SIN3B: variants seen among roughly 807,000 people sequenced by gnomAD.
The protein encoded by SIN3B is paired amphipathic helix protein Sin3b.
SIN3B carries 19 observed loss-of-function variants against 120.2 expected under a neutral mutation model. The ratio of observed to expected loss-of-function variants is 0.16; its 90% confidence interval spans 0.11 to 0.23. SIN3B has a LOEUF of 0.23. Ranked by LOEUF, SIN3B falls within the 10% of genes least tolerant of loss-of-function variation. The pLI, the probability that SIN3B is intolerant of heterozygous loss-of-function variation, is 1.00. For missense variants in SIN3B, 1,073 were observed against 1,573.0 expected, an observed-to-expected ratio of 0.68 and a Z score of 5.38; for synonymous variants, 654 against 653.2, an observed-to-expected ratio of 1.00 and a Z score of -0.02.
intron 13 of SIN3B, 29 bp downstream of exon 13, chr19:16,870,104 C>T (rs2144621743): frequency 6.5e-7 from 1 of 1,534,890 alleles, no homozygotes; most frequent in South Asian, 1.2e-5. Flanking sequence ...CCGGGAGGCC[C>T]CGGGGGGTGC....
intron 17 of SIN3B, 44 bp downstream of exon 17, chr19:16,877,683 C>T: frequency 7.3e-7 from 1 of 1,368,944 alleles, no homozygotes; most frequent in Non-Finnish European, 1.0e-6. Flanking sequence ...CCTTCCTGGG[C>T]CCAGGGAGTG....
chr19:16,863,097 CA>C (rs746037096), intron 9 of SIN3B: 2 of 768,658 alleles, frequency 2.6e-6, no homozygotes, highest in Non-Finnish European at 4.4e-6. Flanking sequence ...TTTCTCACCA[CA>C]AAGGCAGAGT....
Position 16,862,571 on chromosome 19 carries a change from T to C in SIN3B, c.1266+12T>C. The stretch of plus-strand genomic sequence containing the variant: ...CCATCTGCAAGGAGGTAGCGCTCCC[T>C]GGGGCTCAAATGTTCGTTGACATGG... On this transcript the variant is annotated intron_variant, in intron 9 of 18. Transcript: ENST00000248054. This position sits in a 1 kb window ranked among gnomAD's most constrained non-coding sequence, Gnocchi z 4.7. 4 of 1,609,036 alleles carry C rather than the reference T, an allele frequency of 2.5e-6. No individual in the cohort carries two copies. Among genetic ancestry groups the C allele is most frequent in the Non-Finnish European group, 3.4e-6 (4 of 1,178,286 alleles).
At chr19:16,868,228 C>A (rs895657631) in intron 12 of SIN3B, among the ~76,000 whole-genome samples, 1 of 152,106 alleles carries the variant, frequency 6.6e-6, no homozygotes, top group Non-Finnish European at 1.5e-5. Flanking sequence ...ACTGAAGAGC[C>A]CAGAGCAGGG....
intron 12 of SIN3B, among the ~76,000 whole-genome samples, chr19:16,868,497 AG>A (rs1971809739): frequency 6.6e-6 from 1 of 152,126 alleles, no homozygotes; most frequent in South Asian, 2.1e-4. Flanking sequence ...GGCTGGAGGA[AG>A]GGGTGATTGT....
chr19:16,865,310 C>G lies in SIN3B; in HGVS notation c.1384-100C>G, dbSNP rs904418685. ...CCCTATCTCTTAAATACACACACCC[C>G]CCCCCCAAAAAAATCCTCTGGTCTC... On this transcript the variant is annotated intron_variant, in intron 10 of 18. Transcript: ENST00000248054. The G allele has an allele frequency of 1.5e-5, 8 of 548,140 alleles. 1 individual carries two copies. Among genetic ancestry groups the G allele is most frequent in the African/African-American group, 6.1e-5 (3 of 49,128 alleles). The allele number at this position is 548,140 out of a possible 1,614,324, so 34.0% of individuals were successfully genotyped here. A position where few individuals can be genotyped will look rare whatever the true frequency, so the allele number is the denominator to read the frequency against.
chr19:16,832,191 CTTTTTTTTTTTTTT>C (rs10528185), intron 3 of SIN3B, among the ~76,000 whole-genome samples: 10 of 125,444 alleles, frequency 8.0e-5, no homozygotes, highest in South Asian at 5.2e-4. Context: ...TGCTGGCCCT[CTTTTTTTTTTTTTT>C]TTTTTTTTTG....
At chr19:16,831,756 T>C (rs1197925495) in intron 3 of SIN3B, 109 bp downstream of exon 3, 10 of 943,236 alleles carry the variant, frequency 1.1e-5, no homozygotes, top group Admixed American at 8.7e-5. Context: ...CCACTTAAGA[T>C]CTGTTCTTTT....
intron 5 of SIN3B, among the ~76,000 whole-genome samples, chr19:16,849,493 A>G: frequency 6.6e-6 from 1 of 152,244 alleles, no homozygotes; most frequent in East Asian, 1.9e-4. Context: ...TTACAAAAGG[A>G]ATGGGTGTGG....
At chr19:16,867,827 C>T (rs1247910863) in intron 12 of SIN3B, among the ~76,000 whole-genome samples, 1 of 152,208 alleles carries the variant, frequency 6.6e-6, no homozygotes, top group Non-Finnish European at 1.5e-5. Context: ...CAGGCCCACC[C>T]ACAACCACTC....
chr19:16,878,760 C>T lies in SIN3B; in HGVS notation c.*33C>T, dbSNP rs943119879. Reference sequence around the variant, plus strand: ...TCATGGGCACCGGGCAGGCGCCTCACAGAGCACAGACGTGCCCTCGGCCTT... The same window carrying T: ...TCATGGGCACCGGGCAGGCGCCTCATAGAGCACAGACGTGCCCTCGGCCTT... On this transcript the variant is annotated 3_prime_UTR_variant, in exon 19 of 19. Transcript: ENST00000248054. The T allele has an allele frequency of 1.5e-5, 23 of 1,547,114 alleles. No homozygotes were observed. Among genetic ancestry groups the T allele is most frequent in the Middle Eastern group, 4.4e-4 (2 of 4,512 alleles).
At chr19:16,835,495 C>CTTT (rs35239779) in intron 3 of SIN3B, among the ~76,000 whole-genome samples, 114 of 136,346 alleles carry the variant, frequency 8.4e-4, no homozygotes, top group African/African-American at 3.0e-3. Flanking sequence ...TCCCAAAGTT[C>CTTT]TTTTTTTTTT....
chr19:16,869,353 C>T (rs567051415), intron 12 of SIN3B, 107 bp from the exon 13 acceptor site: 70 of 1,407,670 alleles, frequency 5.0e-5, no homozygotes, highest in East Asian at 2.5e-4. Context: ...CTCTGGGCAG[C>T]GCTCATCCAC....
In SIN3B at chr19:16,876,556, C is replaced by T. The variant is rs1338946957; in HGVS notation, c.2837C>T (p.Thr946Met). 8 of 1,613,254 alleles carry T rather than the reference C, an allele frequency of 5.0e-6. No homozygotes were observed. The highest frequency in any genetic ancestry group is 4.0e-5 in the African/African-American group (3 of 74,928). Residue 946 changes from threonine (T) to methionine (M), a missense_variant, in exon 16 of 19, where the codon ACG (threonine) becomes ATG (methionine). Thr to Met is a moderately conservative substitution (Grantham distance 81). Around this residue, in one of 7 missense-constraint regions of SIN3B, gnomAD observed 311 missense variants for 400.3 expected, o/e 0.78. Coordinates refer to ENST00000248054, the MANE Select transcript of SIN3B (RefSeq NM_001297595.2). The surrounding 1 kb of genome is among the most constrained non-coding windows in gnomAD (Gnocchi z 7.1). The stretch of plus-strand genomic sequence containing the variant: ...CTCCTGGACACCGAGGAGGCCCAGA[C>T]GGAGGACCCTGTGGAGGTCCAGGTG... ...IELLDTEEAQ[T>M]EDPVEVQHLA...
chr19:16,833,135 C>T (rs1971300748), intron 3 of SIN3B, among the ~76,000 whole-genome samples: 1 of 152,178 alleles, frequency 6.6e-6, no homozygotes, highest in Non-Finnish European at 1.5e-5. Context: ...CTCCCAACCT[C>T]CTCCAGTCCT....
Position 16,876,644 on chromosome 19 carries a change from T to TCC in SIN3B, c.2859+68_2859+69dup. 7.6e-7 allele frequency: 1 copy of TCC among 1,307,540 alleles called. No individual in the cohort carries two copies. The highest frequency in any genetic ancestry group is 1.1e-6 in the Non-Finnish European group (1 of 918,322). 81.0% of individuals were successfully genotyped at this position (1,307,540 alleles called of 1,614,324 possible). A position where few individuals can be genotyped will look rare whatever the true frequency, so the allele number is the denominator to read the frequency against. ...GCGCCTGAGGGCAGCAGCATGGGGCTCCCACCAGCCAAGCGCAGGCCGCGC... is the reference window on the plus strand; with the variant it reads ...GCGCCTGAGGGCAGCAGCATGGGGCTCCCCCACCAGCCAAGCGCAGGCCGCGC... On this transcript the variant is annotated intron_variant, in intron 16 of 18. Transcript: ENST00000248054. The surrounding 1 kb of genome is among the most constrained non-coding windows in gnomAD (Gnocchi z 7.1).
chr19:16,878,146 G>A lies in SIN3B; in HGVS notation c.2955-37G>A, dbSNP rs772863408. On this transcript the variant is annotated intron_variant, in intron 17 of 18. Coordinates refer to ENST00000248054, the MANE Select transcript of SIN3B (RefSeq NM_001297595.2). ...CTGCAAATCCTCCTCCCACAATGCC[G>A]AGAGCCAGAGTCCATTCCACCTCCT... 25 of 1,492,744 alleles carry A rather than the reference G, an allele frequency of 1.7e-5. No homozygotes were observed. The East Asian group carries it at 4.7e-4, about 28-fold the overall frequency. 92.5% of individuals were successfully genotyped at this position (1,492,744 alleles called of 1,614,324 possible). A position where few individuals can be genotyped will look rare whatever the true frequency, so the allele number is the denominator to read the frequency against.
intron 5 of SIN3B, among the ~76,000 whole-genome samples, chr19:16,848,812 T>G (rs1219468877): frequency 6.6e-6 from 1 of 152,154 alleles, no homozygotes; most frequent in Non-Finnish European, 1.5e-5. Context: ...ACTTTTATTT[T>G]TTAATTGTAG....
chr19:16,867,636 T>G (rs1485888398), intron 12 of SIN3B, among the ~76,000 whole-genome samples: 1 of 152,176 alleles, frequency 6.6e-6, no homozygotes, highest in East Asian at 1.9e-4. Context: ...CAGGGGGTGT[T>G]GCCTCACCTG....
Sources: gnomAD v4.1 joint callset for allele counts (sites outside exome capture counted in the v4.1 genomes callset) on GRCh38, gnomAD v4.1.1 for gene constraint, gnomAD v4.1.1 regional missense constraint, Gnocchi (gnomAD v3.1) non-coding constraint, MANE v1.5 for transcripts, NCBI Gene and HGNC (gene_info 2026-07-23, HGNC 2026-07-21) for gene names.